Variants in MAST2 observed in about 807,000 individuals in gnomAD.
MAST2 encodes the protein microtubule associated serine/threonine kinase 2, also known as microtubule-associated serine/threonine-protein kinase 2.
In MAST2, 70 loss-of-function variants were observed where a neutral mutation model predicts 147.4. That is an observed-to-expected ratio of 0.47 (90% confidence interval 0.39 to 0.58). The LOEUF is 0.58. Ranked by LOEUF, MAST2 falls within the 20% of genes least tolerant of loss-of-function variation. The pLI is 0.00. For missense variants in MAST2, 2,080 were observed against 2,302.3 expected (o/e 0.90, Z 1.98); for synonymous variants, 869 against 896.8 (o/e 0.97, Z 0.55).
At chr1:45,911,233 G>A (rs962211039) in intron 4 of MAST2, among the ~76,000 whole-genome samples, 4 of 152,290 alleles carry the variant, frequency 2.6e-5, no homozygotes, top group African/African-American at 9.6e-5. Flanking sequence ...GGCACAAATG[G>A]ATTCTAATGC....
rs561886337 is a variant in MAST2, at chr1:45,892,550, A to C, written c.500+10155A>C. On this transcript the variant is annotated intron_variant, in intron 4 of 28. Transcript: ENST00000361297. ...AGTTCTGGAAATTCTGACTCATTCC[A>C]CTGGAATGATCTGGAAGTTGTCCAG... Among the ~76,000 whole-genome samples, 4 of 152,306 alleles carry C rather than the reference A, an allele frequency of 2.6e-5. No individual in the cohort carries two copies. In the South Asian group the frequency reaches 6.2e-4, roughly 24 times the overall value.
intron 4 of MAST2, chr1:45,917,418 A>C (rs1273030445): frequency 2.2e-6 from 3 of 1,366,522 alleles, no homozygotes; most frequent in Non-Finnish European, 2.9e-6. Context: ...CTTCCTCACT[A>C]AAGTCCCATT....
intron 1 of MAST2, among the ~76,000 whole-genome samples, chr1:45,806,857 G>A (rs1400360631): frequency 6.6e-6 from 1 of 151,948 alleles, no homozygotes; most frequent in Non-Finnish European, 1.5e-5. Context: ...GATTACAGGC[G>A]TGAACTACCA....
At chr1:45,916,057 G>T (rs940412517) in intron 4 of MAST2, among the ~76,000 whole-genome samples, 1 of 152,132 alleles carries the variant, frequency 6.6e-6, no homozygotes, top group Admixed American at 6.5e-5. Context: ...AAATAGTTGT[G>T]TGCCCTCCTA....
chr1:45,933,557 T>C (rs984623845), intron 4 of MAST2, among the ~76,000 whole-genome samples: 3 of 144,602 alleles, frequency 2.1e-5, no homozygotes, highest in African/African-American at 7.8e-5. Flanking sequence ...CTGGCTGACA[T>C]GGTGAAAACC....
rs542299976 is a variant in MAST2, at chr1:45,870,804, C to T, written c.469-11560C>T. Among the ~76,000 whole-genome samples, 46 of 151,648 alleles carry T rather than the reference C, an allele frequency of 3.0e-4. No homozygotes were observed. In the South Asian group the frequency reaches 5.4e-3, roughly 18 times the overall value. On this transcript the variant is annotated intron_variant, in intron 3 of 28. Transcript: ENST00000361297. ...AGTAGCCAGGCGTGGCGGTGCACAC[C>T]TGTAGTTCCAGCTATTTGGGAAGCT...
intron 7 of MAST2, 79 bp from the exon 8 acceptor site, chr1:46,006,162 A>G: frequency 2.1e-6 from 3 of 1,416,972 alleles, no homozygotes; most frequent in East Asian, 4.7e-5. Flanking sequence ...AAGTTCCCTG[A>G]CCATTTTCAG....
intron 3 of MAST2, among the ~76,000 whole-genome samples, chr1:45,877,434 G>T (rs564029801): frequency 6.6e-6 from 1 of 152,034 alleles, no homozygotes; most frequent in African/African-American, 2.4e-5. Flanking sequence ...AAGAGAGAAG[G>T]CCTCATGACC....
intron 3 of MAST2, among the ~76,000 whole-genome samples, chr1:45,870,893 T>C (rs534879805): frequency 6.6e-6 from 1 of 152,158 alleles, no homozygotes; most frequent in East Asian, 1.9e-4. Flanking sequence ...TGTGCCCCTG[T>C]ACTCCAGCCT....
At chr1:45,947,792 C>G (rs1658301052) in intron 4 of MAST2, among the ~76,000 whole-genome samples, 4 of 152,228 alleles carry the variant, frequency 2.6e-5, no homozygotes, top group Admixed American at 2.6e-4. Context: ...TCTCGGCCCA[C>G]TGCAAGCTCC....
chr1:45,862,326 G>A (rs1372614820), intron 3 of MAST2, among the ~76,000 whole-genome samples: 2 of 152,140 alleles, frequency 1.3e-5, no homozygotes, highest in Admixed American at 6.5e-5. Flanking sequence ...GGGGAAAGAT[G>A]GGGTATGTTC....
Position 46,035,337 on chromosome 1 carries a change from C to T in MAST2, c.4668C>T (p.Gly1556=). Reference sequence around the variant, plus strand: ...CGTCCAGAGACCCTAGGAGCCTGGGCCCAATGGTCCCAAGCCTATTGACAG... The same window carrying T: ...CGTCCAGAGACCCTAGGAGCCTGGGTCCAATGGTCCCAAGCCTATTGACAG... ...PFPSRDPRSL[G]PMVPSLLTGI... is the part of the protein sequence containing the mutation. Residue 1556 remains glycine, a synonymous_variant, in exon 29 of 29, where the codon GGC becomes GGT. Coordinates refer to ENST00000361297, the MANE Select transcript of MAST2 (RefSeq NM_015112.3). The surrounding 1 kb of genome is among the most constrained non-coding windows in gnomAD (Gnocchi z 5.5). 2 of 1,613,748 alleles carry T rather than the reference C, an allele frequency of 1.2e-6. No individual in the cohort carries two copies. The highest frequency in any genetic ancestry group is 8.5e-7 in the Non-Finnish European group (1 of 1,179,920).
At chr1:45,985,415 C>T (rs1244070106) in intron 5 of MAST2, among the ~76,000 whole-genome samples, 1 of 152,204 alleles carries the variant, frequency 6.6e-6, no homozygotes, top group Non-Finnish European at 1.5e-5. Context: ...TATGTATACA[C>T]ATCTGTGCAG....
intron 3 of MAST2, among the ~76,000 whole-genome samples, chr1:45,833,303 A>G (rs1464504586): frequency 2.6e-5 from 4 of 152,156 alleles, no homozygotes; most frequent in African/African-American, 9.7e-5. Flanking sequence ...TTACCAGGGC[A>G]TGTTCTAAAA....
intron 3 of MAST2, among the ~76,000 whole-genome samples, chr1:45,857,049 T>C (rs1168252464): frequency 6.6e-6 from 1 of 152,210 alleles, no homozygotes; most frequent in Non-Finnish European, 1.5e-5. Context: ...TCCTTCCCTG[T>C]TTTATTTTTC....
intron 3 of MAST2, among the ~76,000 whole-genome samples, chr1:45,837,258 G>A (rs1442740438): frequency 6.6e-6 from 1 of 152,218 alleles, no homozygotes; most frequent in Non-Finnish European, 1.5e-5. Context: ...GTTCGCTTGT[G>A]TCCCTTTGCT....
chr1:45,897,976 G>C (rs1009580148), intron 4 of MAST2, among the ~76,000 whole-genome samples: 2 of 151,992 alleles, frequency 1.3e-5, no homozygotes, highest in Admixed American at 1.3e-4. Flanking sequence ...GGGCATGGTG[G>C]TGCATGCCTG....
In MAST2 at chr1:45,931,257, TAC is replaced by T. The variant is rs747277563; in HGVS notation, c.501-28127_501-28126del. On this transcript the variant is annotated intron_variant, in intron 4 of 28. Transcript: ENST00000361297. ...TTATAACCTCAATACTTTTGAAGAT[TAC>T]AGACCAGTTTATTTGATAGGATGTC... is the stretch of plus-strand genomic sequence containing the variant. Among the ~76,000 whole-genome samples, 486 of 152,324 alleles carry T rather than the reference TAC, an allele frequency of 3.2e-3. 1 individual carries two copies. Among genetic ancestry groups the T allele is most frequent in the Non-Finnish European group, 5.1e-3 (349 of 68,024 alleles).
At chr1:46,003,020 G>C in intron 7 of MAST2, 137 bp downstream of exon 7, 1 of 852,092 alleles carries the variant, frequency 1.2e-6, no homozygotes, top group Admixed American at 2.0e-5. Context: ...ATGATGTTGG[G>C]TGCAACAGAG....
Sources: gnomAD v4.1 joint callset for allele counts (sites outside exome capture counted in the v4.1 genomes callset) on GRCh38, gnomAD v4.1.1 for gene constraint, Gnocchi (gnomAD v3.1) non-coding constraint, MANE v1.5 for transcripts, NCBI Gene and HGNC (gene_info 2026-07-23, HGNC 2026-07-21) for gene names.